CIBAR1: variants seen among roughly 807,000 people sequenced by gnomAD.
The protein encoded by CIBAR1 is CBY1 interacting BAR domain containing 1, also known as CBY1-interacting BAR domain-containing protein 1.
A neutral mutation model predicts 44.0 loss-of-function variants in CIBAR1; 25 were observed. That is an observed-to-expected ratio of 0.57 (90% CI 0.41 to 0.79). CIBAR1 has a LOEUF of 0.79. Ranked by LOEUF, CIBAR1 falls within the 30% of genes least tolerant of loss-of-function variation. The pLI, the probability that CIBAR1 is intolerant of heterozygous loss-of-function variation, is 0.00. For missense variants in CIBAR1, 278 were observed against 344.8 expected, an observed-to-expected ratio of 0.81 and a Z score of 1.53; for synonymous variants, 115 against 119.0, an observed-to-expected ratio of 0.97 and a Z score of 0.22.
chr8:93,726,582 T>C (rs1002891838), intron 8 of CIBAR1, 69 bp downstream of exon 8: 2 of 1,570,780 alleles, frequency 1.3e-6, no homozygotes, highest in Non-Finnish European at 1.7e-6. Context: ...TCTAAAAATG[T>C]TTCCCCTCAG....
chr8:93,707,182 C>G (rs992896024), intron 4 of CIBAR1: 1 of 398,848 alleles, frequency 2.5e-6, no homozygotes, highest in Non-Finnish European at 5.0e-6. Context: ...GCATTTCCTA[C>G]TCAAGTTGGT....
intron 6 of CIBAR1, among the ~76,000 whole-genome samples, chr8:93,713,033 C>CTTTTTTTTTTTTTTTTT (rs149552672): frequency 4.7e-5 from 6 of 128,802 alleles, no homozygotes; most frequent in Non-Finnish European, 6.3e-5. Context: ...CCTTTTTTTT[C>CTTTTTTTTTTTTTTTTT]TTTTTTTTTT....
intron 7 of CIBAR1, among the ~76,000 whole-genome samples, chr8:93,723,155 C>T (rs1433271285): frequency 6.6e-6 from 1 of 152,164 alleles, no homozygotes; most frequent in African/African-American, 2.4e-5. Flanking sequence ...CGCCACCTCG[C>T]CTGGCTAATT....
chr8:93,716,557 T>C (rs545180883), intron 6 of CIBAR1, among the ~76,000 whole-genome samples: 87 of 152,318 alleles, frequency 5.7e-4, no homozygotes, highest in Middle Eastern at 3.4e-3. Context: ...AAATTCTTTA[T>C]ATTGAGAAAA....
chr8:93,709,930 T>C (rs552633735), intron 6 of CIBAR1, 55 bp downstream of exon 6: 3 of 1,333,964 alleles, frequency 2.2e-6, no homozygotes, highest in South Asian at 2.7e-5. Flanking sequence ...TTTTTTACTT[T>C]AATGAAAAAT....
rs1183245723 is a variant in CIBAR1, at chr8:93,731,474, T to C, written c.*3177T>C. On this transcript the variant is annotated 3_prime_UTR_variant, in exon 9 of 9. Transcript: ENST00000518322. ...ATTATCCTAGCTACTTACAAGCTTA[T>C]ACTTTAAAGAATCATACTGAGGTGC... 6.6e-6 allele frequency: 1 copy of C among 152,246 alleles called. No homozygotes were observed. Among genetic ancestry groups the C allele is most frequent in the Non-Finnish European group, 1.5e-5 (1 of 68,042 alleles). The allele number at this position is 152,246 out of a possible 1,614,324, so 9.4% of individuals were successfully genotyped here.
At chr8:93,702,174 C>T (rs185934347) in intron 2 of CIBAR1, 326 of 387,680 alleles carry the variant, frequency 8.4e-4, no homozygotes, top group African/African-American at 6.3e-3. Context: ...GAACCTAAAA[C>T]GGGAATTTCA....
intron 6 of CIBAR1, among the ~76,000 whole-genome samples, chr8:93,711,727 T>G (rs1810830195): frequency 6.6e-6 from 1 of 152,208 alleles, no homozygotes. Context: ...GGAAACTGAT[T>G]CCTTGCTCCA....
chr8:93,700,703 C>A, intron 1 of CIBAR1, 30 bp downstream of exon 1: 1 of 1,493,476 alleles, frequency 6.7e-7, no homozygotes, highest in East Asian at 2.9e-5. Flanking sequence ...TGCCCAGGGC[C>A]GCCCACACTG....
intron 7 of CIBAR1, among the ~76,000 whole-genome samples, chr8:93,723,386 A>G (rs897584458): frequency 6.6e-6 from 1 of 152,084 alleles, no homozygotes; most frequent in Non-Finnish European, 1.5e-5. Flanking sequence ...CTGTTAACCT[A>G]ATTAGCACCC....
At chr8:93,724,156 G>A (rs541487668) in intron 7 of CIBAR1, among the ~76,000 whole-genome samples, 12 of 152,224 alleles carry the variant, frequency 7.9e-5, no homozygotes, top group Non-Finnish European at 1.0e-4. Context: ...CCAGGAGTTC[G>A]AGGCTACAGT....
chr8:93,709,096 T>G (rs1810717248), intron 5 of CIBAR1, among the ~76,000 whole-genome samples: 1 of 152,134 alleles, frequency 6.6e-6, no homozygotes, highest in East Asian at 1.9e-4. Context: ...CTGGCCAATG[T>G]GACGAAACCC....
At chr8:93,722,132 A>G (rs1295045825) in intron 7 of CIBAR1, among the ~76,000 whole-genome samples, 1 of 152,214 alleles carries the variant, frequency 6.6e-6, no homozygotes, top group East Asian at 1.9e-4. Context: ...TTGTGGAGAG[A>G]ACAGTCTGGA....
chr8:93,709,649 TAAC>T, intron 5 of CIBAR1, 119 bp from the exon 6 acceptor site: 2 of 742,544 alleles, frequency 2.7e-6, no homozygotes, highest in Admixed American at 4.1e-5. Context: ...AATATAATAT[TAAC>T]AATTTACACT....
chr8:93,700,854 G>A (rs1810312426), intron 1 of CIBAR1, 181 bp downstream of exon 1: 1 of 1,310,484 alleles, frequency 7.6e-7, no homozygotes, highest in Non-Finnish European at 9.6e-7. Flanking sequence ...GCGGCGAAGA[G>A]GAGCCCGGGG....
intron 6 of CIBAR1, among the ~76,000 whole-genome samples, chr8:93,710,764 G>A (rs1401132431): frequency 6.6e-6 from 1 of 151,332 alleles, no homozygotes; most frequent in Non-Finnish European, 1.5e-5. Flanking sequence ...AACCCAGGAG[G>A]TGGAGGTTGC....
intron 7 of CIBAR1, among the ~76,000 whole-genome samples, chr8:93,723,447 CCTTCCGTGTCCTGAAGTTCT>C (rs1301620019): frequency 6.6e-6 from 1 of 152,146 alleles, no homozygotes; most frequent in Non-Finnish European, 1.5e-5. Context: ...ATCCTTGACT[CCTTCCGTGTCCTGAAGTTCT>C]CTTAAAGGAA....
chr8:93,731,153 C>CT lies in CIBAR1; in HGVS notation c.*2857dup, dbSNP rs1267513392. On this transcript the variant is annotated 3_prime_UTR_variant, in exon 9 of 9. Transcript: ENST00000518322. The stretch of plus-strand genomic sequence containing the variant: ...CCAGCCTGGCCAGCAGAACAAGACT[C>CT]TGACTCTTAAAATAATAAAACTACA... The CT allele has an allele frequency of 6.6e-6, 1 of 152,186 alleles. No individual in the cohort carries two copies. Among genetic ancestry groups the CT allele is most frequent in the Admixed American group, 6.5e-5 (1 of 15,284 alleles). The allele number at this position is 152,186 out of a possible 1,614,324, so 9.4% of individuals were successfully genotyped here.
intron 3 of CIBAR1, 42 bp downstream of exon 3, chr8:93,703,730 G>A: frequency 6.8e-7 from 1 of 1,468,898 alleles, no homozygotes; most frequent in East Asian, 2.5e-5. Context: ...AGTTACTCTG[G>A]CAAAGACTAT....
Sources: gnomAD v4.1 joint callset for allele counts (sites outside exome capture counted in the v4.1 genomes callset) on GRCh38, gnomAD v4.1.1 for gene constraint, MANE v1.5 for transcripts, NCBI Gene and HGNC (gene_info 2026-07-23, HGNC 2026-07-21) for gene names.